DLG2: variants seen among roughly 807,000 people sequenced by gnomAD.
DLG2 encodes disks large homolog 2.
Under a neutral mutation model 132.5 loss-of-function variants are expected in DLG2, and 45 were observed. The observed-to-expected ratio is 0.34, with a 90% CI of 0.27 to 0.44. The LOEUF is 0.44. DLG2 is among the 20% of genes least tolerant of loss of function. The probability of loss-of-function intolerance (pLI) is 1.00; values close to 1 mark genes in which losing one functional copy is unlikely to be tolerated. For synonymous variants in DLG2, 424 were observed against 419.6 expected (o/e 1.01, Z -0.13); for missense variants, 1,045 against 1,196.9 (o/e 0.87, Z 1.87).
At chr11:85,289,293 C>T (rs1285299866) in intron 3 of DLG2, among the ~76,000 whole-genome samples, 3 of 152,122 alleles carry the variant, frequency 2.0e-5, no homozygotes, top group Non-Finnish European at 4.4e-5. Context: ...ACCACCAGCA[C>T]CATCATTCCC....
intron 5 of DLG2, among the ~76,000 whole-genome samples, chr11:85,133,907 A>G (rs1189166133): frequency 6.6e-6 from 1 of 151,986 alleles, no homozygotes; most frequent in East Asian, 1.9e-4. Context: ...GACAAGCATC[A>G]CTCTGGATAA....
intron 6 of DLG2, chr11:84,763,226 GT>G (rs2067899607): frequency 1.3e-5 from 2 of 152,146 alleles, no homozygotes; most frequent in South Asian, 4.1e-4. Flanking sequence ...ATTATTAATA[GT>G]TGGTTTACAT....
At chr11:83,871,150 C>A (rs1373923248) in intron 16 of DLG2, among the ~76,000 whole-genome samples, 1 of 152,160 alleles carries the variant, frequency 6.6e-6, no homozygotes, top group Non-Finnish European at 1.5e-5. Flanking sequence ...CATTAGCTTC[C>A]TTTTAATAGG....
chr11:85,314,701 T>A (rs1477289648), intron 3 of DLG2, among the ~76,000 whole-genome samples: 1 of 151,994 alleles, frequency 6.6e-6, no homozygotes, highest in Non-Finnish European at 1.5e-5. Context: ...TGTAGTATAA[T>A]GCATAATTGC....
chr11:83,545,210 C>T (rs1394931513), intron 19 of DLG2, among the ~76,000 whole-genome samples: 7 of 152,136 alleles, frequency 4.6e-5, no homozygotes, highest in Admixed American at 3.9e-4. Flanking sequence ...CTTAACCCCT[C>T]TGGGCCTCAG....
chr11:83,507,012 G>A (rs534991091), intron 21 of DLG2, among the ~76,000 whole-genome samples: 1 of 152,220 alleles, frequency 6.6e-6, no homozygotes, highest in East Asian at 1.9e-4. Context: ...TAGAATCCCT[G>A]GGTTCATCCT....
At chr11:84,861,618 C>CAAAAAAAAAAAAAAAAAAAAAAAAAAAA (rs1177657034) in intron 6 of DLG2, among the ~76,000 whole-genome samples, 4 of 35,826 alleles carry the variant, frequency 1.1e-4, no homozygotes, top group Admixed American at 4.4e-4. Context: ...TTCTACACAG[C>CAAAAAAAAAAAAAAAAAAAAAAAAAAAA]AAAAAAAAAA....
At chr11:84,790,527 C>A (rs755700505) in intron 6 of DLG2, among the ~76,000 whole-genome samples, 2 of 152,112 alleles carry the variant, frequency 1.3e-5, no homozygotes, top group African/African-American at 2.4e-5. Flanking sequence ...TTCTCCCATT[C>A]TGTGGGTTTT....
intron 19 of DLG2, among the ~76,000 whole-genome samples, chr11:83,613,236 C>T (rs1241712424): frequency 6.6e-6 from 1 of 152,132 alleles, no homozygotes. Context: ...GCAGTAAGAA[C>T]CAGAACCAGA....
intron 3 of DLG2, among the ~76,000 whole-genome samples, chr11:85,522,370 G>A (rs886580987): frequency 3.3e-5 from 5 of 152,192 alleles, no homozygotes; most frequent in Admixed American, 3.3e-4. Context: ...CTGCTGCCAG[G>A]GTGGGGCCCT....
chr11:85,118,286 G>T lies in DLG2; in HGVS notation c.283-6551C>A, dbSNP rs568388187. Among the ~76,000 whole-genome samples the T allele has an allele frequency of 3.3e-5, 5 of 152,156 alleles. No individual in the cohort carries two copies. The South Asian group carries it at 6.2e-4, about 19-fold the overall frequency. On this transcript the variant is annotated intron_variant, in intron 5 of 27. Coordinates refer to ENST00000376104, the MANE Select transcript of DLG2 (RefSeq NM_001142699.3). ...TGACCTATTCTCCAAAGGATGCTGAGAACAAGCGTTTTTCAGTGGGCAGTG... is the reference window on the plus strand; with the variant it reads ...TGACCTATTCTCCAAAGGATGCTGATAACAAGCGTTTTTCAGTGGGCAGTG...
intron 6 of DLG2, among the ~76,000 whole-genome samples, chr11:84,711,264 G>C (rs1437800106): frequency 6.6e-6 from 1 of 150,450 alleles, no homozygotes; most frequent in Non-Finnish European, 1.5e-5. Flanking sequence ...AGTGATGACA[G>C]AGCCAGGCAT....
intron 21 of DLG2, among the ~76,000 whole-genome samples, chr11:83,519,837 T>C (rs2095418468): frequency 6.6e-6 from 1 of 152,168 alleles, no homozygotes; most frequent in African/African-American, 2.4e-5. Flanking sequence ...CCATTGGCAA[T>C]CGTAGATTCA....
At chr11:83,837,990 T>C (rs2056682641) in intron 16 of DLG2, among the ~76,000 whole-genome samples, 1 of 152,164 alleles carries the variant, frequency 6.6e-6, no homozygotes, top group Non-Finnish European at 1.5e-5. Flanking sequence ...TTCCCCAGAA[T>C]AAACACACGT....
At chr11:84,868,592 G>C (rs914706163) in intron 6 of DLG2, among the ~76,000 whole-genome samples, 3 of 152,134 alleles carry the variant, frequency 2.0e-5, no homozygotes, top group Admixed American at 2.0e-4. Flanking sequence ...GGAGGCAGTT[G>C]ACTTTTGAAA....
At chr11:84,853,726 T>A (rs564592182) in intron 6 of DLG2, among the ~76,000 whole-genome samples, 5 of 152,098 alleles carry the variant, frequency 3.3e-5, no homozygotes, top group Admixed American at 3.3e-4. Flanking sequence ...CTAGTCTTCC[T>A]TCTTCTCACA....
intron 2 of DLG2, among the ~76,000 whole-genome samples, chr11:85,611,944 C>A (rs1308592800): frequency 6.7e-6 from 1 of 149,546 alleles, no homozygotes; most frequent in Non-Finnish European, 1.5e-5. Flanking sequence ...GAGGAAGAGA[C>A]AGAGATATAG....
intron 4 of DLG2, among the ~76,000 whole-genome samples, chr11:85,272,585 A>G (rs2077604929): frequency 6.6e-6 from 1 of 152,184 alleles, no homozygotes; most frequent in African/African-American, 2.4e-5. Context: ...GCTACAAACC[A>G]CTGCTCAACG....
chr11:84,098,059 T>A (rs1330129729), intron 10 of DLG2, among the ~76,000 whole-genome samples: 7 of 149,842 alleles, frequency 4.7e-5, no homozygotes, highest in Admixed American at 2.7e-4. Flanking sequence ...TTTTCTTTTT[T>A]GCTTTTTGAG....
Sources: allele counts gnomAD v4.1 joint callset (sites outside exome capture counted in the v4.1 genomes callset), GRCh38; gene constraint gnomAD v4.1.1; transcripts MANE v1.5; gene names NCBI Gene and HGNC (gene_info 2026-07-23, HGNC 2026-07-21).